SCAND3: variants seen among roughly 807,000 people sequenced by gnomAD.
SCAND3 encodes the protein SCAN domain-containing protein 3.
the SCAND3 span, chr6:28,594,388 C>CCTGT: frequency 6.6e-6 from 1 of 152,290 alleles, no homozygotes; most frequent in Non-Finnish European, 1.5e-5. Context: ...GGAACAGTGG[C>CCTGT]TCAAGCCTGT....
the SCAND3 span, among the ~76,000 whole-genome samples, chr6:28,595,906 G>A: frequency 6.6e-6 from 1 of 152,096 alleles, no homozygotes; most frequent in African/African-American, 2.4e-5. Flanking sequence ...GATCATGATC[G>A]AGGCCCAGAA....
At chr6:28,575,483 A>T in the SCAND3 span, 2 of 1,613,970 alleles carry the variant, frequency 1.2e-6, no homozygotes, top group East Asian at 4.5e-5. This position sits in a 1 kb window ranked among gnomAD's most constrained non-coding sequence, Gnocchi z 4.2. Flanking sequence ...GACTTTAATG[A>T]CCGCAAAAAA....
the SCAND3 span, among the ~76,000 whole-genome samples, chr6:28,595,330 CAAAAAAAAAAA>C: frequency 3.8e-4 from 14 of 37,330 alleles, no homozygotes; most frequent in African/African-American, 1.2e-3. Context: ...AACCCAGTCT[CAAAAAAAAAAA>C]AAAAAAAAAA....
At chr6:28,607,259 A>C in the SCAND3 span, among the ~76,000 whole-genome samples, 1 of 152,024 alleles carries the variant, frequency 6.6e-6, no homozygotes, top group African/African-American at 2.4e-5. Flanking sequence ...TTCTCCTCTC[A>C]ATGGACCGCC....
the SCAND3 span, chr6:28,597,734 C>T: frequency 6.6e-6 from 1 of 152,248 alleles, no homozygotes; most frequent in Non-Finnish European, 1.5e-5. Context: ...CTGGCTCCAG[C>T]TAGCTCCTCT....
chr6:28,593,532 G>C, the SCAND3 span: 1 of 152,210 alleles, frequency 6.6e-6, no homozygotes, highest in African/African-American at 2.4e-5. Flanking sequence ...AAAATTAGCC[G>C]GGCATGGTGG....
At chr6:28,606,975 C>T in the SCAND3 span, among the ~76,000 whole-genome samples, 2 of 152,236 alleles carry the variant, frequency 1.3e-5, no homozygotes, top group Non-Finnish European at 2.9e-5. Flanking sequence ...TGTCTGCTTT[C>T]AGGCTCCTTC....
At chr6:28,611,812 G>C in the SCAND3 span, among the ~76,000 whole-genome samples, 3,836 of 152,310 alleles carry the variant, frequency 0.025, 91 homozygotes, top group Middle Eastern at 0.055. Context: ...GTTTCAAATA[G>C]GAGTTGTTTT....
the SCAND3 span, among the ~76,000 whole-genome samples, chr6:28,600,296 T>C: frequency 1.3e-5 from 2 of 152,164 alleles, no homozygotes; most frequent in African/African-American, 4.8e-5. Context: ...CGGCTAAGCT[T>C]ATTTATAGAT....
chr6:28,584,888 G>A, the SCAND3 span, among the ~76,000 whole-genome samples: 1 of 152,186 alleles, frequency 6.6e-6, no homozygotes, highest in African/African-American at 2.4e-5. Flanking sequence ...CTAAATGAAG[G>A]CACTTCTGCG....
the SCAND3 span, chr6:28,579,253 A>C: frequency 1.9e-6 from 3 of 1,606,138 alleles, no homozygotes; most frequent in Non-Finnish European, 2.6e-6. The surrounding 1 kb of genome is among the most constrained non-coding windows in gnomAD (Gnocchi z 4.5). Flanking sequence ...CTTCTTTCTT[A>C]GAACTAAATT....
chr6:28,612,099 C>T, the SCAND3 span, among the ~76,000 whole-genome samples: 5 of 151,702 alleles, frequency 3.3e-5, no homozygotes, highest in Non-Finnish European at 5.9e-5. Context: ...TGCAGTGGCG[C>T]GATCTCAGCT....
At chr6:28,579,640 G>C in the SCAND3 span, among the ~76,000 whole-genome samples, 1 of 152,182 alleles carries the variant, frequency 6.6e-6, no homozygotes, top group Non-Finnish European at 1.5e-5. The surrounding 1 kb of genome is among the most constrained non-coding windows in gnomAD (Gnocchi z 4.5). Context: ...GAGTTAAAAC[G>C]CATCCCTTTG....
At chr6:28,581,677 A>T in the SCAND3 span, among the ~76,000 whole-genome samples, 1 of 152,206 alleles carries the variant, frequency 6.6e-6, no homozygotes, top group African/African-American at 2.4e-5. Flanking sequence ...TGGAAGTGAG[A>T]AAAGGTGAAA....
At chr6:28,599,169 A>G in the SCAND3 span, among the ~76,000 whole-genome samples, 8 of 152,212 alleles carry the variant, frequency 5.3e-5, no homozygotes, top group African/African-American at 1.9e-4. Flanking sequence ...AGAGAATCCA[A>G]ATAAATGGAG....
the SCAND3 span, among the ~76,000 whole-genome samples, chr6:28,596,274 A>G: frequency 6.6e-6 from 1 of 152,238 alleles, no homozygotes; most frequent in East Asian, 1.9e-4. Context: ...GATACAATGC[A>G]TCCTTAAAAA....
At chr6:28,573,027 A>G in the SCAND3 span, 1 of 1,613,018 alleles carries the variant, frequency 6.2e-7, no homozygotes, top group Non-Finnish European at 8.5e-7. Context: ...ATTTGTTAAC[A>G]ATATAATTCT....
chr6:28,572,739 A>G, the SCAND3 span: 10 of 1,614,010 alleles, frequency 6.2e-6, no homozygotes, highest in African/African-American at 2.7e-5. This position sits in a 1 kb window ranked among gnomAD's most constrained non-coding sequence, Gnocchi z 4.1. Flanking sequence ...ACAGTTGCTT[A>G]TGATCAGCTT....
chr6:28,603,295 A>T, the SCAND3 span, among the ~76,000 whole-genome samples: 1 of 152,172 alleles, frequency 6.6e-6, no homozygotes, highest in East Asian at 1.9e-4. Flanking sequence ...ACACTTTCTC[A>T]TTCTTAAAGT....
Sources: gnomAD v4.1 joint callset for allele counts (sites outside exome capture counted in the v4.1 genomes callset) on GRCh38, gnomAD v4.1.1 for gene constraint, Gnocchi (gnomAD v3.1) non-coding constraint, MANE v1.5 for transcripts, NCBI Gene and HGNC (gene_info 2026-07-23, HGNC 2026-07-21) for gene names.